The following FREM1 variants were observed in gnomAD, a reference collection of about 807,000 sequenced individuals.
The protein encoded by FREM1 is FRAS1 related extracellular matrix 1.
A neutral mutation model predicts 210.1 loss-of-function variants in FREM1; 220 were observed. That is an observed-to-expected ratio of 1.05 (90% CI 0.94 to 1.17). FREM1 has a LOEUF of 1.17. FREM1 is among the 50% of genes most tolerant of loss of function. The pLI is 0.00. For missense variants in FREM1, 3,454 were observed against 2,675.5 expected (o/e 1.29, Z -6.42); for synonymous variants, 1,189 against 980.2 (o/e 1.21, Z -3.98).
At chr9:14,875,979 G>T (rs1833640675) in intron 1 of FREM1, among the ~76,000 whole-genome samples, 1 of 152,204 alleles carries the variant, frequency 6.6e-6, no homozygotes, top group African/African-American at 2.4e-5. Flanking sequence ...AGCAGTGGCT[G>T]CAGAACAGCG....
intron 1 of FREM1, among the ~76,000 whole-genome samples, chr9:14,883,258 T>G (rs757556854): frequency 5.9e-5 from 9 of 151,926 alleles, no homozygotes; most frequent in Non-Finnish European, 1.0e-4. Context: ...GCAACACAGT[T>G]AGGAGGGGGG....
intron 11 of FREM1, among the ~76,000 whole-genome samples, 171 bp downstream of exon 11, chr9:14,824,625 G>C (rs1244621871): frequency 6.6e-6 from 1 of 152,074 alleles, no homozygotes; most frequent in African/African-American, 2.4e-5. Flanking sequence ...GCTTTCAAAG[G>C]GAGATAGGAA....
intron 27 of FREM1, among the ~76,000 whole-genome samples, chr9:14,762,253 A>G (rs1845627579): frequency 1.3e-5 from 2 of 152,230 alleles, no homozygotes; most frequent in Admixed American, 1.3e-4. Flanking sequence ...TGGGAAGGAA[A>G]GGAGGACAGT....
At chr9:14,855,390 T>C (rs957541655) in intron 5 of FREM1, among the ~76,000 whole-genome samples, 3 of 152,120 alleles carry the variant, frequency 2.0e-5, no homozygotes, top group African/African-American at 7.2e-5. Flanking sequence ...GTATTTGAGG[T>C]AGATTAAAAA....
chr9:14,756,328 A>AC, intron 29 of FREM1, 46 bp downstream of exon 29: 4 of 1,436,756 alleles, frequency 2.8e-6, no homozygotes, highest in Non-Finnish European at 3.8e-6. Flanking sequence ...TACAAAAAAA[A>AC]ACAAAAAACA....
rs191703940 is a variant in FREM1 at position 14,807,783 on chromosome 9, T to C, written c.3088+157A>G. On this transcript the variant is annotated intron_variant, in intron 17 of 36. Coordinates refer to ENST00000380880, the MANE Select transcript of FREM1 (RefSeq NM_001379081.2). ...TTTTGCCCCATAATCTTAACAGATT[T>C]GGGTTTTCCACAAAATTTGTGTTGA... Among the ~76,000 whole-genome samples the C allele has an allele frequency of 5.7e-3, 872 of 152,298 alleles. 11 individuals are homozygous for C. The highest frequency in any genetic ancestry group is 0.02 in the African/African-American group (823 of 41,554).
intron 10 of FREM1, among the ~76,000 whole-genome samples, chr9:14,835,419 G>A (rs113227614): frequency 0.041 from 6,197 of 152,264 alleles, 148 homozygotes; most frequent in African/African-American, 0.062. Context: ...TTGGAAAACT[G>A]GTTATTTTAT....
intron 10 of FREM1, among the ~76,000 whole-genome samples, chr9:14,830,177 C>G (rs1465910388): frequency 6.6e-6 from 1 of 152,108 alleles, no homozygotes; most frequent in African/African-American, 2.4e-5. Flanking sequence ...AGAATCAGGG[C>G]AGAGAAAGGA....
chr9:14,871,985 C>T (rs191542884), intron 1 of FREM1, among the ~76,000 whole-genome samples: 33 of 151,918 alleles, frequency 2.2e-4, no homozygotes, highest in Middle Eastern at 3.4e-3. Flanking sequence ...TGTAGACATG[C>T]GGCATTATTT....
rs1405612986 is a variant in FREM1 at position 14,771,939 on chromosome 9, TTATC to T, written c.4858-1137_4858-1134del. Among the ~76,000 whole-genome samples the T allele has an allele frequency of 2.0e-5, 3 of 151,998 alleles. No homozygotes were observed. The East Asian group carries it at 5.8e-4, about 29-fold the overall frequency. ...TACTATTTTTGTTAAAAATATATAT[TTATC>T]TATACATAATGTTTGTATAGACATA... On this transcript the variant is annotated intron_variant, in intron 25 of 36. Coordinates refer to ENST00000380880, the MANE Select transcript of FREM1 (RefSeq NM_001379081.2).
At chr9:14,819,760 T>C (rs966831512) in intron 13 of FREM1, among the ~76,000 whole-genome samples, 5 of 152,208 alleles carry the variant, frequency 3.3e-5, no homozygotes, top group African/African-American at 4.8e-5. Context: ...ACTGAGGAAA[T>C]AATAATTTTC....
chr9:14,766,379 G>A (rs1335549880), intron 27 of FREM1, among the ~76,000 whole-genome samples: 1 of 152,134 alleles, frequency 6.6e-6, no homozygotes, highest in Non-Finnish European at 1.5e-5. Context: ...TGTGTGGGGT[G>A]GCAGGTAGAG....
intron 1 of FREM1, among the ~76,000 whole-genome samples, chr9:14,898,102 GA>G (rs1838069836): frequency 6.6e-6 from 1 of 152,216 alleles, no homozygotes; most frequent in East Asian, 1.9e-4. Flanking sequence ...GGAAGTGATA[GA>G]AAATCAGAGG....
At chr9:14,850,179 G>T (rs1827430078) in intron 6 of FREM1, among the ~76,000 whole-genome samples, 3 of 152,146 alleles carry the variant, frequency 2.0e-5, no homozygotes, top group African/African-American at 7.2e-5. Context: ...CTATTATGTG[G>T]AAGACTTTAA....
rs530944435 is a variant in FREM1 at position 14,842,616 on chromosome 9, C to T, written c.1438G>A (p.Val480Ile). Residue 480 changes from valine to isoleucine, a missense_variant, in exon 9 of 37, where the codon GTT becomes ATT. Transcript: ENST00000380880. ...CTGTCATCATGATGATAGCGAACAA[C>T]TCCAGCCTGGAGGTCAGCCACGGTG... Reference protein sequence around the residue: ...LFTVADLQAGVVRYHHDDSDS... With the variant: ...LFTVADLQAGIVRYHHDDSDS... 6 of 1,613,924 alleles carry T rather than the reference C, an allele frequency of 3.7e-6. No homozygotes were observed. In the African/African-American group the frequency reaches 8.0e-5, roughly 22 times the overall value.
At chr9:14,776,672 A>G (rs751560544) in intron 24 of FREM1, among the ~76,000 whole-genome samples, 2 of 152,244 alleles carry the variant, frequency 1.3e-5, no homozygotes, top group Non-Finnish European at 2.9e-5. Context: ...AAAGTGCTAA[A>G]TGAGTTGAAT....
At chr9:14,779,723 G>A (rs928314539) in intron 24 of FREM1, among the ~76,000 whole-genome samples, 5 of 152,168 alleles carry the variant, frequency 3.3e-5, no homozygotes, top group African/African-American at 1.2e-4. Context: ...TCAGACAGAT[G>A]GGAGTGAGGG....
chr9:14,793,795 C>T (rs138208994), intron 21 of FREM1, among the ~76,000 whole-genome samples: 69 of 152,296 alleles, frequency 4.5e-4, no homozygotes, highest in African/African-American at 1.4e-3. Context: ...TGCTCCTCTG[C>T]GGAGATGCCA....
intron 1 of FREM1, among the ~76,000 whole-genome samples, chr9:14,870,070 T>C (rs752593215): frequency 6.6e-6 from 1 of 152,228 alleles, no homozygotes; most frequent in African/African-American, 2.4e-5. Flanking sequence ...TGCACTGAAA[T>C]ATATCCCTAA....
Sources: gnomAD v4.1 joint callset for allele counts (sites outside exome capture counted in the v4.1 genomes callset) on GRCh38, gnomAD v4.1.1 for gene constraint, MANE v1.5 for transcripts, NCBI Gene and HGNC (gene_info 2026-07-23, HGNC 2026-07-21) for gene names.